The following KAZN variants were observed in gnomAD, a reference collection of about 807,000 sequenced individuals.
The protein encoded by KAZN is kazrin.
KAZN carries 40 observed loss-of-function variants against 87.4 expected under a neutral mutation model. That is an observed-to-expected ratio of 0.46 (90% CI 0.36 to 0.60). The LOEUF is 0.60. KAZN is among the 20% of genes least tolerant of loss of function. The pLI, the probability that KAZN is intolerant of heterozygous loss-of-function variation, is 0.00. For missense variants in KAZN, 898 were observed against 1,073.9 expected (o/e 0.84, Z 2.29); for synonymous variants, 466 against 458.3 (o/e 1.02, Z -0.22).
intron 2 of KAZN, among the ~76,000 whole-genome samples, chr1:14,422,129 A>G (rs150882668): frequency 6.6e-6 from 1 of 152,356 alleles, no homozygotes; most frequent in East Asian, 1.9e-4. Context: ...AACCAAGAAG[A>G]AAATAGGCAA....
In KAZN at chr1:14,734,381, G is replaced by A. The variant is rs191680320; in HGVS notation, c.226+135158G>A. Among the ~76,000 whole-genome samples, 715 of 148,182 alleles carry A rather than the reference G, an allele frequency of 4.8e-3. 4 individuals are homozygous for A. The highest frequency in any genetic ancestry group is 0.013 in the Admixed American group (197 of 14,602). On this transcript the variant is annotated intron_variant, in intron 1 of 14. Coordinates refer to ENST00000376030, the MANE Select transcript of KAZN (RefSeq NM_201628.3). ...AGTGCAATGGCACCATCGGTTGACT[G>A]CAACCTCCGCTTCCCGGGTTCAAGT...
At chr1:14,782,961 G>A (rs562461733) in intron 1 of KAZN, among the ~76,000 whole-genome samples, 38 of 152,256 alleles carry the variant, frequency 2.5e-4, no homozygotes, top group African/African-American at 8.7e-4. Flanking sequence ...GGTAACCCCA[G>A]CAGATAGAGG....
At chr1:14,810,485 TG>T (rs1160688095) in intron 1 of KAZN, among the ~76,000 whole-genome samples, 1 of 152,158 alleles carries the variant, frequency 6.6e-6, no homozygotes, top group Non-Finnish European at 1.5e-5. Flanking sequence ...GTCAGCAGAA[TG>T]AATGAATCTC....
intron 2 of KAZN, among the ~76,000 whole-genome samples, chr1:14,221,615 A>C (rs1647099991): frequency 6.6e-6 from 1 of 152,152 alleles, no homozygotes; most frequent in Admixed American, 6.6e-5. Context: ...TAATCCTGTT[A>C]CGAGTCACCA....
chr1:14,955,092 A>C (rs1199379306), intron 1 of KAZN, among the ~76,000 whole-genome samples: 1 of 152,246 alleles, frequency 6.6e-6, no homozygotes, highest in Non-Finnish European at 1.5e-5. Context: ...AAGGGAACCC[A>C]TGTTGTGAAG....
chr1:14,914,178 A>G (rs531270125), intron 1 of KAZN, among the ~76,000 whole-genome samples: 1 of 152,198 alleles, frequency 6.6e-6, no homozygotes, highest in East Asian at 1.9e-4. Context: ...GGGGCCAAGA[A>G]TTTGCATTTC....
At chr1:15,027,914 A>G (rs1043167530) in intron 2 of KAZN, among the ~76,000 whole-genome samples, 1 of 152,248 alleles carries the variant, frequency 6.6e-6, no homozygotes, top group Non-Finnish European at 1.5e-5. Context: ...AAGCCAGAGA[A>G]GGAAGAAAGG....
intron 1 of KAZN, among the ~76,000 whole-genome samples, chr1:14,127,811 A>G (rs952419045): frequency 6.6e-6 from 1 of 152,134 alleles, no homozygotes; most frequent in African/African-American, 2.4e-5. Flanking sequence ...AGTCGGTGCT[A>G]GGGACACCCT....
chr1:14,824,458 A>G (rs963816855), intron 1 of KAZN, among the ~76,000 whole-genome samples: 1 of 152,188 alleles, frequency 6.6e-6, no homozygotes, highest in African/African-American at 2.4e-5. Flanking sequence ...AAAGGAATGG[A>G]GAATTCAGTA....
At chr1:14,864,438 T>C (rs1284403920) in intron 1 of KAZN, among the ~76,000 whole-genome samples, 1 of 152,100 alleles carries the variant, frequency 6.6e-6, no homozygotes, top group African/African-American at 2.4e-5. Flanking sequence ...GGTGGGCGCC[T>C]GTAATTCCAG....
chr1:14,517,102 C>T (rs1050758169), intron 2 of KAZN, among the ~76,000 whole-genome samples: 2 of 152,286 alleles, frequency 1.3e-5, no homozygotes, highest in African/African-American at 4.8e-5. Context: ...ATAATACCTA[C>T]ACCTGGCCAA....
chr1:14,490,996 A>G (rs1353424885), intron 2 of KAZN, among the ~76,000 whole-genome samples: 1 of 152,234 alleles, frequency 6.6e-6, no homozygotes, highest in Non-Finnish European at 1.5e-5. Context: ...CTAATTGGAG[A>G]AGAATTGTCA....
Position 14,361,830 on chromosome 1 carries a change from C to T in KAZN, c.249+181238C>T, listed in dbSNP as rs569775956. Among the ~76,000 whole-genome samples the T allele has an allele frequency of 1.1e-4, 17 of 152,326 alleles. No homozygotes were observed. In the East Asian group the frequency reaches 2.3e-3, roughly 21 times the overall value. On this transcript the variant is annotated intron_variant, in intron 2 of 16. Coordinates refer to the KAZN transcript ENST00000636203. ...GCTGCAGACCAGAGTTGTTCCTATTCGGCCATCTTGAGTCATTTACCCGTG... is the reference window on the plus strand; with the variant it reads ...GCTGCAGACCAGAGTTGTTCCTATTTGGCCATCTTGAGTCATTTACCCGTG...
chr1:14,025,732 T>G (rs1641041220), intron 1 of KAZN, among the ~76,000 whole-genome samples: 1 of 152,212 alleles, frequency 6.6e-6, no homozygotes, highest in South Asian at 2.1e-4. Flanking sequence ...TTTTAAACTT[T>G]ATTTAATTAT....
At chr1:14,418,158 C>T (rs976839367) in intron 2 of KAZN, among the ~76,000 whole-genome samples, 1 of 151,036 alleles carries the variant, frequency 6.6e-6, no homozygotes, top group Non-Finnish European at 1.5e-5. Flanking sequence ...GCAAGAATTT[C>T]TAAGAATAAG....
At chr1:14,884,532 T>G (rs925982874) in intron 1 of KAZN, among the ~76,000 whole-genome samples, 1 of 152,226 alleles carries the variant, frequency 6.6e-6, no homozygotes, top group African/African-American at 2.4e-5. Flanking sequence ...ATATATGTAC[T>G]CTTAAGTTCT....
At chr1:14,023,480 C>A (rs775186302) in intron 1 of KAZN, among the ~76,000 whole-genome samples, 5 of 152,138 alleles carry the variant, frequency 3.3e-5, no homozygotes, top group Non-Finnish European at 7.4e-5. Context: ...AAATGCATCT[C>A]TCACCAGGGG....
chr1:14,174,372 C>T (rs1002236007), intron 1 of KAZN, among the ~76,000 whole-genome samples: 3 of 152,168 alleles, frequency 2.0e-5, no homozygotes, highest in Non-Finnish European at 4.4e-5. Context: ...TGATGTTGCT[C>T]AGTAGCTCCT....
chr1:14,065,837 G>T (rs575215841), intron 1 of KAZN, among the ~76,000 whole-genome samples: 2 of 152,068 alleles, frequency 1.3e-5, no homozygotes, highest in East Asian at 3.8e-4. Context: ...TATATATATA[G>T]GGTACAAGTG....
Sources: allele counts gnomAD v4.1 joint callset (sites outside exome capture counted in the v4.1 genomes callset), GRCh38; gene constraint gnomAD v4.1.1; transcripts MANE v1.5; gene names NCBI Gene and HGNC (gene_info 2026-07-23, HGNC 2026-07-21).